The following ZNF462 variants were observed in gnomAD, a reference collection of about 807,000 sequenced individuals.
The protein encoded by ZNF462 is zinc finger PBX1-interacting protein.
A neutral mutation model predicts 201.9 loss-of-function variants in ZNF462; 10 were observed. The observed-to-expected ratio is 0.05, with a 90% CI of 0.03 to 0.08. The LOEUF (loss-of-function observed/expected upper bound fraction) is 0.08. Among genes scored for constraint, ZNF462 ranks in the 10% least tolerant of loss-of-function variants. ZNF462 has a pLI of 1.00. For synonymous variants in ZNF462, 1,227 were observed against 1,193.3 expected, an observed-to-expected ratio of 1.03 and a Z score of -0.58; for missense variants, 2,523 against 3,168.3, an observed-to-expected ratio of 0.80 and a Z score of 4.89.
In ZNF462 at chr9:107,003,143, G is replaced by T; in HGVS notation, c.7057-151G>T. 5.1e-6 allele frequency: 5 copies of T among 988,200 alleles called. No homozygotes were observed. The highest frequency in any genetic ancestry group is 7.3e-6 in the Non-Finnish European group (5 of 681,922). The allele number at this position is 988,200 out of a possible 1,614,324, so 61.2% of individuals were successfully genotyped here. A position where few individuals can be genotyped will look rare whatever the true frequency, so the allele number is the denominator to read the frequency against. ...GCTCCATCTCCAAAAGAGTCAAAACGAAGAAAAAGACCTCTTAGGCCCCGG... is the reference window on the plus strand; with the variant it reads ...GCTCCATCTCCAAAAGAGTCAAAACTAAGAAAAAGACCTCTTAGGCCCCGG... On this transcript the variant is annotated intron_variant, in intron 10 of 12. Coordinates refer to ENST00000277225, the MANE Select transcript of ZNF462 (RefSeq NM_021224.6). The surrounding 1 kb of genome is among the most constrained non-coding windows in gnomAD (Gnocchi z 4.4).
Position 107,009,593 on chromosome 9 carries a change from G to A in ZNF462, c.7238G>A (p.Arg2413His), listed in dbSNP as rs199563340. The A allele has an allele frequency of 1.4e-4, 233 of 1,613,818 alleles. 3 individuals carry two copies. Among genetic ancestry groups the A allele is most frequent in the African/African-American group, 5.3e-5 (4 of 74,894 alleles). ...GGGGCTGCTCTTAACACTGAGAAGC[G>A]TTTTCCATGTGAATTTTGTGGACGG... The part of the protein sequence containing the change: ...DHGAALNTEK[R>H]FPCEFCGRAF... Residue 2413 changes from arginine (R) to histidine (H), a missense_variant, in exon 12 of 13, where the codon CGT becomes CAT. Transcript: ENST00000277225. This position sits in a 1 kb window ranked among gnomAD's most constrained non-coding sequence, Gnocchi z 6.1.
chr9:106,934,260 C>T (rs1830538071), intron 5 of ZNF462, among the ~76,000 whole-genome samples: 1 of 148,130 alleles, frequency 6.8e-6, no homozygotes, highest in Non-Finnish European at 1.5e-5. Context: ...GATTTTATCC[C>T]AGGTAGTCTG....
rs964892583 is a variant in ZNF462 at position 106,865,379 on chromosome 9, A to T, written c.-31+2024A>T. On this transcript the variant is annotated intron_variant, in intron 1 of 12. Transcript: ENST00000277225. The surrounding 1 kb of genome is among the most constrained non-coding windows in gnomAD (Gnocchi z 4.1). ...TCCTTGTGAAGATGGTGATGGCCCT[A>T]AGCTGAGATTTTTTTGAGTTCTAGG... Among the ~76,000 whole-genome samples, 6 of 152,142 alleles carry T rather than the reference A, an allele frequency of 3.9e-5. No homozygotes were observed. The highest frequency in any genetic ancestry group is 7.4e-5 in the Non-Finnish European group (5 of 68,018).
At chr9:106,918,150 C>G (rs1343578322) in intron 1 of ZNF462, among the ~76,000 whole-genome samples, 1 of 152,114 alleles carries the variant, frequency 6.6e-6, no homozygotes, top group Non-Finnish European at 1.5e-5. Context: ...GCTGGAATTA[C>G]AGGCGTGAGC....
intron 6 of ZNF462, among the ~76,000 whole-genome samples, chr9:106,936,192 ACAGT>A (rs1306988033): frequency 6.6e-6 from 1 of 152,238 alleles, no homozygotes. Context: ...AAGAAGAAAT[ACAGT>A]CAGTCATCTA....
chr9:106,940,901 T>C (rs1830841833), intron 7 of ZNF462, among the ~76,000 whole-genome samples: 1 of 152,186 alleles, frequency 6.6e-6, no homozygotes, highest in African/African-American at 2.4e-5. Flanking sequence ...AAGGGCAAAA[T>C]CTAACTTGAC....
intron 8 of ZNF462, among the ~76,000 whole-genome samples, chr9:106,973,341 C>G (rs1019342262): frequency 2.0e-5 from 3 of 151,804 alleles, no homozygotes; most frequent in African/African-American, 7.3e-5. Flanking sequence ...AAGTCTCTTT[C>G]CCACCAGCAT....
At chr9:106,863,066 G>T, upstream of ZNF462, 1 of 392,800 alleles carries the variant, frequency 2.5e-6, no homozygotes, top group South Asian at 1.3e-4. Context: ...GGAGAGAGAA[G>T]AGGAGAGAGA....
Position 106,972,242 on chromosome 9 carries a change from G to A in ZNF462, c.6665G>A (p.Cys2222Tyr). The A allele has an allele frequency of 6.2e-7, 1 of 1,614,176 alleles. No individual in the cohort carries two copies. ...CATGGTGGGAAGAAGCTTTTCAAGT[G>A]CAAAGACTGCTCCTTTTACACAGGC... ...DKHGGKKLFKCKDCSFYTGFK... is the reference protein window; with the variant it reads ...DKHGGKKLFKYKDCSFYTGFK... The change falls in exon 8 of 13, where the codon TGC becomes TAC. Residue 2222 changes from cysteine to tyrosine, a missense_variant. This residue lies in a region of ZNF462 where 228 missense variants were observed against 361.2 expected (regional missense o/e 0.63). Transcript: ENST00000277225. The surrounding 1 kb of genome is among the most constrained non-coding windows in gnomAD (Gnocchi z 4.8).
intron 9 of ZNF462, chr9:106,975,951 C>T (rs1826969255): frequency 6.6e-6 from 1 of 152,226 alleles, no homozygotes; most frequent in South Asian, 2.1e-4. Flanking sequence ...CATCTTCCAG[C>T]AACATTGTGA....
At chr9:106,915,530 C>T (rs1426227743) in intron 1 of ZNF462, among the ~76,000 whole-genome samples, 1 of 152,028 alleles carries the variant, frequency 6.6e-6, no homozygotes, top group Non-Finnish European at 1.5e-5. Context: ...TATTCCAGTC[C>T]CATATAGAAA....
In ZNF462 at chr9:106,929,013, C is replaced by T. The variant is rs146822860; in HGVS notation, c.5101C>T (p.Leu1701=). Residue 1701 remains leucine (L), a synonymous_variant, in exon 3 of 13, where the codon CTG becomes TTG. Transcript: ENST00000277225. This position sits in a 1 kb window ranked among gnomAD's most constrained non-coding sequence, Gnocchi z 8.7. ...CAAGAACAACCTCTTCAAGTGTGCCCTGTGTGCCTACACCAACCCCATCCG... is the reference window on the plus strand; with the variant it reads ...CAAGAACAACCTCTTCAAGTGTGCCTTGTGTGCCTACACCAACCCCATCCG... ...EGKNNLFKCA[L]CAYTNPIRKG... 4 of 1,614,118 alleles carry T rather than the reference C, an allele frequency of 2.5e-6. No homozygotes were observed. The highest frequency in any genetic ancestry group is 2.2e-5 in the East Asian group (1 of 44,856).
chr9:106,920,541 A>G lies in ZNF462; in HGVS notation c.-30-2813A>G, dbSNP rs1055003340. Among the ~76,000 whole-genome samples the G allele has an allele frequency of 1.3e-5, 2 of 152,208 alleles. No individual in the cohort carries two copies. Among genetic ancestry groups the G allele is most frequent in the Non-Finnish European group, 1.5e-5 (1 of 68,038 alleles). On this transcript the variant is annotated intron_variant, in intron 1 of 12. Transcript: ENST00000277225. This position sits in a 1 kb window ranked among gnomAD's most constrained non-coding sequence, Gnocchi z 4.3. Reference sequence around the variant, plus strand: ...TTAACCTCTTCTAAGGCTCTGAGCTATTTTTGAGGCAGAGGCTGCAACAAC... The same window carrying G: ...TTAACCTCTTCTAAGGCTCTGAGCTGTTTTTGAGGCAGAGGCTGCAACAAC...
chr9:106,905,521 G>A lies in ZNF462; in HGVS notation c.-30-17833G>A, dbSNP rs1829232479. Among the ~76,000 whole-genome samples, 1 of 152,156 alleles carries A rather than the reference G, an allele frequency of 6.6e-6. No homozygotes were observed. Among genetic ancestry groups the A allele is most frequent in the African/African-American group, 2.4e-5 (1 of 41,430 alleles). The stretch of plus-strand genomic sequence containing the variant: ...GCCCTTTGTCTTCCACTACTAGGGT[G>A]GGTAGGGAAGGACCATCAGGTAGGG... On this transcript the variant is annotated intron_variant, in intron 1 of 12. Transcript: ENST00000277225. The surrounding 1 kb of genome is among the most constrained non-coding windows in gnomAD (Gnocchi z 5.9).
rs889884206 is a variant in ZNF462, at chr9:106,920,441, T to C, written c.-30-2913T>C. ...TTTCAAAGTAGGCTACATCCTCCTT[T>C]CAGTACTTGGTGCAGACATGAAATT... is the stretch of plus-strand genomic sequence containing the variant. On this transcript the variant is annotated intron_variant, in intron 1 of 12. Coordinates refer to ENST00000277225, the MANE Select transcript of ZNF462 (RefSeq NM_021224.6). The surrounding 1 kb of genome is among the most constrained non-coding windows in gnomAD (Gnocchi z 4.3). Among the ~76,000 whole-genome samples, 1 of 152,238 alleles carries C rather than the reference T, an allele frequency of 6.6e-6. No individual in the cohort carries two copies. The highest frequency in any genetic ancestry group is 1.9e-4 in the East Asian group (1 of 5,200).
intron 10 of ZNF462, among the ~76,000 whole-genome samples, chr9:107,002,640 T>G (rs1025992945): frequency 1.3e-5 from 2 of 152,228 alleles, no homozygotes; most frequent in Non-Finnish European, 2.9e-5. Flanking sequence ...GTTAACACTT[T>G]TAAAGAGCTT....
Position 106,899,949 on chromosome 9 carries a change from C to T in ZNF462, c.-30-23405C>T, listed in dbSNP as rs188692011. 4.6e-5 allele frequency among the ~76,000 whole-genome samples: 7 copies of T among 152,174 alleles called. No individual in the cohort carries two copies. The East Asian group carries it at 1.4e-3, about 29-fold the overall frequency. ...GACATTTTGGTGCACCCATCACCCA[C>T]ATATACACTGCACCATATTTGTAGT... On this transcript the variant is annotated intron_variant, in intron 1 of 12. Coordinates refer to ENST00000277225, the MANE Select transcript of ZNF462 (RefSeq NM_021224.6).
chr9:106,958,005 A>G (rs1430879971), intron 7 of ZNF462, among the ~76,000 whole-genome samples: 1 of 152,184 alleles, frequency 6.6e-6, no homozygotes, highest in Admixed American at 6.5e-5. Flanking sequence ...TACTGAGTTC[A>G]ATAGAAACAG....
chr9:106,883,528 C>G lies in ZNF462; in HGVS notation c.-31+20173C>G, dbSNP rs1323913805. ...TCCCCAGAATACCGTATACATAAGG[C>G]CTGCGTCATTAGTTCATTTTTCAGT... is the stretch of plus-strand genomic sequence containing the variant. On this transcript the variant is annotated intron_variant, in intron 1 of 12. Coordinates refer to ENST00000277225, the MANE Select transcript of ZNF462 (RefSeq NM_021224.6). The surrounding 1 kb of genome is among the most constrained non-coding windows in gnomAD (Gnocchi z 4.9). 6.6e-6 allele frequency among the ~76,000 whole-genome samples: 1 copy of G among 152,152 alleles called. No individual in the cohort carries two copies. The highest frequency in any genetic ancestry group is 2.4e-5 in the African/African-American group (1 of 41,422).
Sources: allele counts gnomAD v4.1 joint callset (sites outside exome capture counted in the v4.1 genomes callset), GRCh38; gene constraint gnomAD v4.1.1; regional missense constraint gnomAD v4.1.1; non-coding constraint Gnocchi (gnomAD v3.1); transcripts MANE v1.5; gene names NCBI Gene and HGNC (gene_info 2026-07-23, HGNC 2026-07-21).